Variants in RIMS2 observed in about 807,000 individuals in gnomAD.
RIMS2 encodes the protein regulating synaptic membrane exocytosis protein 2.
A neutral mutation model predicts 174.4 loss-of-function variants in RIMS2; 59 were observed. The observed-to-expected ratio is 0.34, with a 90% CI of 0.27 to 0.42. The LOEUF is 0.42. RIMS2 is among the 10% of genes least tolerant of loss of function. The probability of loss-of-function intolerance (pLI) is 1.00; values close to 1 mark genes in which losing one functional copy is unlikely to be tolerated. For synonymous variants in RIMS2, 606 were observed against 572.5 expected (o/e 1.06, Z -0.84); for missense variants, 1,620 against 1,666.3 (o/e 0.97, Z 0.48).
chr8:103,887,012 A>G (rs72681355), intron 4 of RIMS2, among the ~76,000 whole-genome samples: 20,166 of 151,746 alleles, frequency 0.13, 1,829 homozygotes, highest in Non-Finnish European at 0.2. Flanking sequence ...TTAAGCTTTA[A>G]TTCAGATTAC....
At chr8:104,048,722 A>G (rs1398620732) in intron 19 of RIMS2, among the ~76,000 whole-genome samples, 5 of 140,412 alleles carry the variant, frequency 3.6e-5, no homozygotes, top group African/African-American at 1.4e-4. Context: ...TATACATTAG[A>G]AACACATTTC....
At chr8:103,568,470 T>TA in intron 1 of RIMS2, 1 of 247,350 alleles carries the variant, frequency 4.0e-6, no homozygotes, top group Non-Finnish European at 8.1e-6. Flanking sequence ...TGGTAAGGCT[T>TA]ACCATCTAAA....
intron 3 of RIMS2, among the ~76,000 whole-genome samples, chr8:103,855,406 T>G (rs2099022497): frequency 4.6e-5 from 7 of 152,104 alleles, no homozygotes; most frequent in Admixed American, 4.6e-4. Flanking sequence ...TGGGATTGGT[T>G]CATTCTTTTT....
At chr8:103,551,851 A>G (rs902075933) in intron 1 of RIMS2, among the ~76,000 whole-genome samples, 2 of 152,202 alleles carry the variant, frequency 1.3e-5, no homozygotes, top group Non-Finnish European at 2.9e-5. Flanking sequence ...CCCATCCACA[A>G]TTGCTTCAAA....
At chr8:103,527,566 G>A (rs1487673987) in intron 1 of RIMS2, among the ~76,000 whole-genome samples, 1 of 151,788 alleles carries the variant, frequency 6.6e-6, no homozygotes, top group Non-Finnish European at 1.5e-5. Flanking sequence ...ACAGGCCCTG[G>A]TGTGTGATGT....
At chr8:104,094,778 T>A in intron 19 of RIMS2, 1 of 589,804 alleles carries the variant, frequency 1.7e-6, no homozygotes, top group Non-Finnish European at 3.0e-6. Context: ...GTAGTCTTTT[T>A]TACCATTCCT....
intron 3 of RIMS2, among the ~76,000 whole-genome samples, chr8:103,796,535 A>C (rs55915215): frequency 0.11 from 17,300 of 152,040 alleles, 1,329 homozygotes; most frequent in African/African-American, 0.22. Context: ...ATCTCACACC[A>C]CTTTTTTTCC....
intron 1 of RIMS2, among the ~76,000 whole-genome samples, chr8:103,663,795 T>C (rs1440836800): frequency 6.6e-6 from 1 of 152,172 alleles, no homozygotes; most frequent in African/African-American, 2.4e-5. Context: ...TTAAAGTTCA[T>C]ATGGAACCAA....
intron 13 of RIMS2, among the ~76,000 whole-genome samples, chr8:103,937,057 C>T (rs2081428965): frequency 6.6e-6 from 1 of 151,250 alleles, no homozygotes; most frequent in South Asian, 2.1e-4. Context: ...GAGATCGCGC[C>T]ACTGCACTCC....
Position 104,207,173 on chromosome 8 carries a change from T to A in RIMS2, c.3335-37743T>A, listed in dbSNP as rs187893614. Among the ~76,000 whole-genome samples, 21 of 152,312 alleles carry A rather than the reference T, an allele frequency of 1.4e-4. No individual in the cohort carries two copies. The East Asian group carries it at 2.5e-3, about 18-fold the overall frequency. ...TATGGAGGTTCATAATAATTTGTCT[T>A]GTTTTAAGATGACTAATATCTAGGC... On this transcript the variant is annotated intron_variant, in intron 19 of 23. Transcript: ENST00000504942.
At chr8:103,606,470 A>G (rs977761396) in intron 1 of RIMS2, among the ~76,000 whole-genome samples, 32 of 152,140 alleles carry the variant, frequency 2.1e-4, no homozygotes, top group Non-Finnish European at 4.4e-4. Flanking sequence ...AAAAAAATGT[A>G]TATTCTGTTG....
At chr8:103,918,442 G>T in exon 9 of RIMS2, 4 of 1,565,320 alleles carry the variant, frequency 2.6e-6, no homozygotes, top group Non-Finnish European at 3.5e-6. Context: ...TCATTTCAGA[G>T]ATATACCGCG....
At chr8:103,802,154 C>T (rs113192502) in intron 3 of RIMS2, among the ~76,000 whole-genome samples, 1 of 152,182 alleles carries the variant, frequency 6.6e-6, no homozygotes, top group African/African-American at 2.4e-5. Flanking sequence ...ATTTTAACAC[C>T]AAAATGACCA....
chr8:104,183,816 G>A (rs761929793), intron 19 of RIMS2, among the ~76,000 whole-genome samples: 5 of 151,406 alleles, frequency 3.3e-5, no homozygotes, highest in East Asian at 1.9e-4. Context: ...TAAAAGTCTC[G>A]TTAATTTATG....
At chr8:104,169,596 T>C (rs532594286) in intron 19 of RIMS2, among the ~76,000 whole-genome samples, 1 of 152,020 alleles carries the variant, frequency 6.6e-6, no homozygotes, top group Non-Finnish European at 1.5e-5. Context: ...TTCTCGCTAA[T>C]GGTCTATCAA....
chr8:103,579,918 A>G (rs2093502156), intron 1 of RIMS2, among the ~76,000 whole-genome samples: 1 of 152,188 alleles, frequency 6.6e-6, no homozygotes, highest in East Asian at 1.9e-4. Context: ...GAGAGTGAAG[A>G]CGGAGATGCT....
At position 103,952,875 on chromosome 8, in the gene RIMS2, A is replaced by G. The variant is rs536088413; in HGVS notation, c.2702-8190A>G. ...AAGCTAAGAACCTTGAAAAAAGGTT[A>G]GACGAATTGCTAACTAGAATAACCA... On this transcript the variant is annotated intron_variant, in intron 14 of 23. Coordinates refer to ENST00000504942, the Ensembl canonical transcript of RIMS2. Among the ~76,000 whole-genome samples the G allele has an allele frequency of 2.6e-5, 4 of 152,342 alleles. No homozygotes were observed. The East Asian group carries it at 7.7e-4, about 29-fold the overall frequency.
chr8:103,993,165 A>G (rs919044069), intron 17 of RIMS2, among the ~76,000 whole-genome samples: 4 of 152,148 alleles, frequency 2.6e-5, no homozygotes, highest in African/African-American at 9.7e-5. Flanking sequence ...TTAGTTTACT[A>G]TTAGAATAAG....
intron 1 of RIMS2, among the ~76,000 whole-genome samples, chr8:103,527,303 A>G (rs970533852): frequency 6.6e-5 from 10 of 152,168 alleles, no homozygotes; most frequent in African/African-American, 1.9e-4. Flanking sequence ...CAGATACCCA[A>G]ATCTGTGGAT....
Sources: allele counts gnomAD v4.1 joint callset (sites outside exome capture counted in the v4.1 genomes callset), GRCh38; gene constraint gnomAD v4.1.1; transcripts MANE v1.5; gene names NCBI Gene and HGNC (gene_info 2026-07-23, HGNC 2026-07-21).